Variants in RIC1 observed in about 807,000 individuals in gnomAD.
RIC1 encodes guanine nucleotide exchange factor subunit RIC1.
A neutral mutation model predicts 169.0 loss-of-function variants in RIC1; 88 were observed. The ratio of observed to expected loss-of-function variants is 0.52; its 90% CI spans 0.44 to 0.62. The LOEUF is 0.62. Ranked by LOEUF, RIC1 falls within the 20% of genes least tolerant of loss-of-function variation. The pLI is 0.00. For missense variants in RIC1, 1,877 were observed against 1,725.5 expected (o/e 1.09, Z -1.56); for synonymous variants, 790 against 601.5 (o/e 1.31, Z -4.59).
chr9:5,745,900 G>A (rs1260954386), intron 10 of RIC1, 31 bp from the exon 11 acceptor site: 1 of 1,586,914 alleles, frequency 6.3e-7, no homozygotes, highest in African/African-American at 1.3e-5. Context: ...TTATTGCTCT[G>A]ACTTTTTTTC....
At position 5,747,260 on chromosome 9, in the gene RIC1, G is replaced by C; in HGVS notation, c.1249-42G>C. 1.3e-6 allele frequency: 2 copies of C among 1,485,272 alleles called. 1 individual carries two copies. The highest frequency in any genetic ancestry group is 2.3e-5 in the South Asian group (2 of 87,054). 92.0% of individuals were successfully genotyped at this position (1,485,272 alleles called of 1,614,324 possible). A position where few individuals can be genotyped will look rare whatever the true frequency, so the allele number is the denominator to read the frequency against. On this transcript the variant is annotated intron_variant, in intron 11 of 25. Transcript: ENST00000414202. ...GCGTAATATTGAGTTGTTTTTATTT[G>C]TTTTCCTCCTTTGCCCTTTTGTTCC...
At chr9:5,662,095 G>A (rs1438951394) in intron 2 of RIC1, among the ~76,000 whole-genome samples, 5 of 152,160 alleles carry the variant, frequency 3.3e-5, no homozygotes, top group African/African-American at 1.2e-4. Context: ...TAATCATGTG[G>A]TTTTTGTGTT....
chr9:5,683,558 T>C (rs1296080590), intron 2 of RIC1, among the ~76,000 whole-genome samples: 1 of 152,170 alleles, frequency 6.6e-6, no homozygotes, highest in Non-Finnish European at 1.5e-5. Context: ...CTGTCCCTAC[T>C]GGGGGGTGCC....
intron 4 of RIC1, among the ~76,000 whole-genome samples, chr9:5,717,982 A>G (rs1406764977): frequency 2.0e-4 from 30 of 151,694 alleles, no homozygotes; most frequent in Non-Finnish European, 7.4e-5. Flanking sequence ...TCTACTAAAA[A>G]TACAAAAATT....
chr9:5,772,359 T>C (rs1586736067), intron 23 of RIC1, among the ~76,000 whole-genome samples: 1 of 152,370 alleles, frequency 6.6e-6, no homozygotes, highest in African/African-American at 2.4e-5. Flanking sequence ...TAGTATATTT[T>C]TCCATCTAAA....
At chr9:5,704,622 G>A (rs1437287356) in intron 3 of RIC1, among the ~76,000 whole-genome samples, 1 of 151,586 alleles carries the variant, frequency 6.6e-6, no homozygotes, top group East Asian at 1.9e-4. Context: ...TTTTCTCATT[G>A]TCTGGGCTTT....
intron 3 of RIC1, among the ~76,000 whole-genome samples, chr9:5,692,284 C>T (rs1821629998): frequency 6.6e-6 from 1 of 151,986 alleles, no homozygotes; most frequent in African/African-American, 2.4e-5. Context: ...TTAATACCAC[C>T]AAAAACTTTC....
At chr9:5,663,174 T>C (rs988091638) in intron 2 of RIC1, among the ~76,000 whole-genome samples, 4 of 152,192 alleles carry the variant, frequency 2.6e-5, no homozygotes, top group South Asian at 2.1e-4. Context: ...GTGAATTTTT[T>C]TGAGTGTTGT....
chr9:5,726,104 C>T lies in RIC1; in HGVS notation c.720+5354C>T, dbSNP rs201525002. Among the ~76,000 whole-genome samples the T allele has an allele frequency of 7.2e-5, 11 of 152,032 alleles. No individual in the cohort carries two copies. In the South Asian group the frequency reaches 8.3e-4, roughly 12 times the overall value. On this transcript the variant is annotated intron_variant, in intron 6 of 25. Coordinates refer to ENST00000414202, the MANE Select transcript of RIC1 (RefSeq NM_020829.4). ...CAGAGCTGAGTTCAATTCCTGGATA[C>T]CCTTGTTAACTTTCTGTCTCTTTGA... is the stretch of plus-strand genomic sequence containing the variant.
At chr9:5,651,801 C>G (rs950099990) in intron 1 of RIC1, among the ~76,000 whole-genome samples, 1 of 152,074 alleles carries the variant, frequency 6.6e-6, no homozygotes, top group Non-Finnish European at 1.5e-5. Flanking sequence ...CTCCTGATCT[C>G]AAGTGATCTG....
rs1435588220 is a variant in RIC1 at position 5,754,720 on chromosome 9, G to T, written c.1603-121G>T. The stretch of plus-strand genomic sequence containing the variant: ...CACTCCAGCATGGGTGACAGAGTGA[G>T]ACTGTCTCAAAAAATAATAATAATT... On this transcript the variant is annotated intron_variant, in intron 14 of 25. Transcript: ENST00000414202. 7.1e-6 allele frequency: 4 copies of T among 560,664 alleles called. No homozygotes were observed. In the Admixed American group the frequency reaches 1.2e-4, roughly 17 times the overall value. The allele number at this position is 560,664 out of a possible 1,614,324, so 34.7% of individuals were successfully genotyped here. A position where few individuals can be genotyped will look rare whatever the true frequency, so the allele number is the denominator to read the frequency against.
At chr9:5,664,515 C>G (rs566836693) in intron 2 of RIC1, among the ~76,000 whole-genome samples, 5 of 152,258 alleles carry the variant, frequency 3.3e-5, no homozygotes, top group African/African-American at 1.2e-4. Flanking sequence ...TCGTAGGTGA[C>G]CTGGTCTTTC....
intron 17 of RIC1, among the ~76,000 whole-genome samples, chr9:5,758,160 AG>A (rs1251106278): frequency 3.3e-5 from 5 of 152,176 alleles, no homozygotes; most frequent in African/African-American, 1.2e-4. Flanking sequence ...TAGAATAGCA[AG>A]GGCTTTATAA....
intron 10 of RIC1, among the ~76,000 whole-genome samples, chr9:5,745,381 T>G (rs944719098): frequency 6.6e-6 from 1 of 152,180 alleles, no homozygotes; most frequent in African/African-American, 2.4e-5. Flanking sequence ...AGGAATTTAT[T>G]TGAACCTTCT....
Position 5,749,391 on chromosome 9 carries a change from C to T in RIC1, c.1452+1886C>T, listed in dbSNP as rs146166096. Reference sequence around the variant, plus strand: ...GTGTCTATATAATGCTAAACTTTTACGTTCTAGGCTTTTTAGCCATTTATG... The same window carrying T: ...GTGTCTATATAATGCTAAACTTTTATGTTCTAGGCTTTTTAGCCATTTATG... On this transcript the variant is annotated intron_variant, in intron 12 of 25. Coordinates refer to ENST00000414202, the MANE Select transcript of RIC1 (RefSeq NM_020829.4). 4.9e-4 allele frequency among the ~76,000 whole-genome samples: 74 copies of T among 152,226 alleles called. No homozygotes were observed. The East Asian group carries it at 0.012, about 25-fold the overall frequency.
intron 2 of RIC1, among the ~76,000 whole-genome samples, chr9:5,684,036 C>T (rs2209009): frequency 0.31 from 46,640 of 151,918 alleles, 8,134 homozygotes; most frequent in East Asian, 0.61. Context: ...TTCCTGGTGC[C>T]GTCTGTCACC....
chr9:5,674,939 A>G (rs1048073156), intron 2 of RIC1, among the ~76,000 whole-genome samples: 7 of 152,232 alleles, frequency 4.6e-5, no homozygotes, highest in Non-Finnish European at 1.0e-4. Context: ...GTTTACAACT[A>G]TGTTCTAAAT....
chr9:5,646,895 A>G (rs1165337445), intron 1 of RIC1, among the ~76,000 whole-genome samples: 1 of 152,118 alleles, frequency 6.6e-6, no homozygotes, highest in East Asian at 1.9e-4. Context: ...ATCCAAAGTC[A>G]TGAAGTTTTT....
rs142656498 is a variant in RIC1, at chr9:5,670,453, T to TA, written c.252+13764dup. Among the ~76,000 whole-genome samples, 457 of 152,292 alleles carry TA rather than the reference T, an allele frequency of 3.0e-3. 1 individual carries two copies. The highest frequency in any genetic ancestry group is 0.01 in the African/African-American group (433 of 41,560). ...ATAGCTTGCCTGATGCCTTTAAAAA[T>TA]ATAATTTTTTATGTTTTCTGCCTTT... On this transcript the variant is annotated intron_variant, in intron 2 of 25. Transcript: ENST00000414202.
Sources: allele counts gnomAD v4.1 joint callset (sites outside exome capture counted in the v4.1 genomes callset), GRCh38; gene constraint gnomAD v4.1.1; transcripts MANE v1.5; gene names NCBI Gene and HGNC (gene_info 2026-07-23, HGNC 2026-07-21).